ASIC2: variants seen among roughly 807,000 people sequenced by gnomAD.
ASIC2 encodes the protein acid sensing ion channel subunit 2.
ASIC2 carries 25 observed loss-of-function variants against 57.3 expected under a neutral mutation model. That is an observed-to-expected ratio of 0.44 (90% CI 0.32 to 0.61). ASIC2 has a LOEUF of 0.61. Among genes scored for constraint, ASIC2 ranks in the 20% least tolerant of loss-of-function variants. ASIC2 has a pLI of 0.06. For synonymous variants in ASIC2, 319 were observed against 307.5 expected (o/e 1.04, Z -0.39); for missense variants, 641 against 738.1 (o/e 0.87, Z 1.52).
At chr17:33,142,935 T>C (rs1904382758) in intron 1 of ASIC2, among the ~76,000 whole-genome samples, 1 of 152,248 alleles carries the variant, frequency 6.6e-6, no homozygotes, top group South Asian at 2.1e-4. Context: ...AGGCTAGGGC[T>C]GAGTGTCTTC....
In ASIC2 at chr17:34,156,048, T is replaced by C; in HGVS notation, c.485A>G (p.His162Arg). The C allele has an allele frequency of 6.2e-7, 1 of 1,614,062 alleles. No individual in the cohort carries two copies. Reference sequence around the variant, plus strand: ...GTAGAGCATCATATCCTTCAGGTCATGGCCCACACGGTGCAGGAACTCCAG... The same window carrying C: ...GTAGAGCATCATATCCTTCAGGTCACGGCCCACACGGTGCAGGAACTCCAG... The change falls in exon 1 of 10, where the codon CAT (histidine) becomes CGT (arginine). Residue 162 changes from histidine (H) to arginine (R), a missense_variant. His to Arg is a conservative substitution (Grantham distance 29). Transcript: ENST00000359872. The surrounding 1 kb of genome is among the most constrained non-coding windows in gnomAD (Gnocchi z 4.4).
chr17:34,109,251 G>C (rs1006045097), intron 1 of ASIC2, among the ~76,000 whole-genome samples: 6 of 152,182 alleles, frequency 3.9e-5, no homozygotes, highest in African/African-American at 1.4e-4. Flanking sequence ...TATGCATGTA[G>C]ACGATACGTA....
intron 1 of ASIC2, among the ~76,000 whole-genome samples, chr17:33,418,659 G>T (rs1474395877): frequency 1.3e-5 from 2 of 152,148 alleles, no homozygotes; most frequent in African/African-American, 4.8e-5. Flanking sequence ...TGTCAGGTTT[G>T]TCAAAGATCA....
chr17:33,636,332 A>G (rs1015682459), intron 1 of ASIC2, among the ~76,000 whole-genome samples: 1 of 152,180 alleles, frequency 6.6e-6, no homozygotes, highest in Non-Finnish European at 1.5e-5. Flanking sequence ...ATAATCTTAT[A>G]TATTCTTGCT....
At chr17:33,324,273 C>G (rs1028643382) in intron 1 of ASIC2, among the ~76,000 whole-genome samples, 1 of 151,390 alleles carries the variant, frequency 6.6e-6, no homozygotes, top group Non-Finnish European at 1.5e-5. Context: ...AGAAGCAGAA[C>G]AAGGTTATGG....
At chr17:33,628,530 C>A (rs114663683) in intron 1 of ASIC2, among the ~76,000 whole-genome samples, 2,584 of 152,054 alleles carry the variant, frequency 0.017, 69 homozygotes, top group African/African-American at 0.058. Flanking sequence ...CTCTTGGCCT[C>A]AGTGATTCTC....
intron 1 of ASIC2, among the ~76,000 whole-genome samples, chr17:33,705,453 T>C (rs1597842582): frequency 6.6e-6 from 1 of 152,238 alleles, no homozygotes; most frequent in South Asian, 2.1e-4. Flanking sequence ...TGTGACAAAA[T>C]TAAGAATTTT....
rs1252271039 is a variant in ASIC2, at chr17:33,846,314, C to T, written c.555+309664G>A. On this transcript the variant is annotated intron_variant, in intron 1 of 9. Transcript: ENST00000359872. ...CCAAGGGTCCAGTGCTTGATCTTGG[C>T]TGTAATGCATGCCCCAGTCTCTATC... is the stretch of plus-strand genomic sequence containing the variant. Among the ~76,000 whole-genome samples, 6 of 152,216 alleles carry T rather than the reference C, an allele frequency of 3.9e-5. No individual in the cohort carries two copies. In the East Asian group the frequency reaches 1.2e-3, roughly 29 times the overall value.
At chr17:33,021,141 C>T (rs974964981) in intron 7 of ASIC2, 78 bp downstream of exon 7, 4 of 1,105,806 alleles carry the variant, frequency 3.6e-6, no homozygotes, top group Non-Finnish European at 4.0e-6. Context: ...GTCTGCTTGC[C>T]TCCCATCCAC....
chr17:33,798,680 G>C (rs1391284476), intron 1 of ASIC2, among the ~76,000 whole-genome samples: 2 of 152,152 alleles, frequency 1.3e-5, no homozygotes, highest in Non-Finnish European at 2.9e-5. Flanking sequence ...CTTAAATAAA[G>C]GTCATCACAT....
At chr17:33,780,991 G>A (rs569825539) in intron 1 of ASIC2, among the ~76,000 whole-genome samples, 2 of 152,326 alleles carry the variant, frequency 1.3e-5, no homozygotes, top group East Asian at 1.9e-4. Flanking sequence ...CACAGGGCCG[G>A]GCTCAGGCCA....
intron 1 of ASIC2, among the ~76,000 whole-genome samples, chr17:33,474,238 A>G (rs747977457): frequency 6.6e-6 from 1 of 152,148 alleles, no homozygotes; most frequent in East Asian, 1.9e-4. Context: ...GTGGTGGCAC[A>G]CACCTGTAGT....
intron 1 of ASIC2, among the ~76,000 whole-genome samples, chr17:33,739,913 A>G (rs1021470734): frequency 6.6e-5 from 10 of 151,282 alleles, no homozygotes; most frequent in African/African-American, 2.2e-4. Context: ...AGAAAGAAAG[A>G]AAAGAAAAAA....
At chr17:33,331,751 A>G (rs148193549) in intron 1 of ASIC2, among the ~76,000 whole-genome samples, 35 of 152,310 alleles carry the variant, frequency 2.3e-4, no homozygotes, top group African/African-American at 7.5e-4. Context: ...GGATAATATC[A>G]TTTAGTTCTT....
chr17:34,120,360 T>C (rs1042647191), intron 1 of ASIC2, among the ~76,000 whole-genome samples: 1 of 152,204 alleles, frequency 6.6e-6, no homozygotes, highest in African/African-American at 2.4e-5. Context: ...TCCTGCTTTT[T>C]TCCCAGCTCA....
At chr17:33,912,563 T>G (rs1420672051) in intron 1 of ASIC2, among the ~76,000 whole-genome samples, 2 of 152,134 alleles carry the variant, frequency 1.3e-5, no homozygotes, top group Non-Finnish European at 2.9e-5. Context: ...CCTACCATCT[T>G]TTCCCCTTGA....
chr17:33,088,774 G>A (rs2092145750), intron 3 of ASIC2, 89 bp downstream of exon 3: 7 of 1,452,456 alleles, frequency 4.8e-6, no homozygotes, highest in South Asian at 1.5e-5. Context: ...GCCCTTGACC[G>A]AGTGGGAATT....
At chr17:33,981,782 C>T (rs1181588608) in intron 1 of ASIC2, among the ~76,000 whole-genome samples, 1 of 152,158 alleles carries the variant, frequency 6.6e-6, no homozygotes, top group East Asian at 1.9e-4. Context: ...TTATTTAATC[C>T]TCACAATTTT....
In ASIC2 at chr17:33,700,936, A is replaced by C. The variant is rs1021566959; in HGVS notation, c.555+455042T>G. On this transcript the variant is annotated intron_variant, in intron 1 of 9. Transcript: ENST00000359872. ...TCACAAATCTGACCTCCTAAAGCTG[A>C]AGTACAGAGTAGAATTGGGGGAGCA... Among the ~76,000 whole-genome samples the C allele has an allele frequency of 5.3e-5, 8 of 152,296 alleles. No homozygotes were observed. The East Asian group carries it at 1.5e-3, about 29-fold the overall frequency.
Sources: gnomAD v4.1 joint callset for allele counts (sites outside exome capture counted in the v4.1 genomes callset) on GRCh38, gnomAD v4.1.1 for gene constraint, Gnocchi (gnomAD v3.1) non-coding constraint, MANE v1.5 for transcripts, NCBI Gene and HGNC (gene_info 2026-07-23, HGNC 2026-07-21) for gene names.